The following C3orf33 variants were observed in gnomAD, a reference collection of about 807,000 sequenced individuals.
C3orf33 encodes AP-1 activity suppressor.
A neutral mutation model predicts 28.7 loss-of-function variants in C3orf33; 23 were observed. The observed-to-expected ratio is 0.80, with a 90% CI of 0.58 to 1.13. The LOEUF (loss-of-function observed/expected upper bound fraction) is 1.13, where lower values mean the gene tolerates loss of function less well. Ranked by LOEUF, C3orf33 falls within the 50% of genes most tolerant of loss-of-function variation. C3orf33 has a pLI of 0.00. For synonymous variants in C3orf33, 119 were observed against 120.5 expected (o/e 0.99, Z 0.08); for missense variants, 327 against 353.4 (o/e 0.93, Z 0.60).
chr3:155,797,324 C>A (rs1159129994), intron 2 of C3orf33, among the ~76,000 whole-genome samples: 1 of 152,162 alleles, frequency 6.6e-6, no homozygotes, highest in African/African-American at 2.4e-5. Flanking sequence ...AAAAGCCATA[C>A]ACAACAGACC....
chr3:155,770,962 C>CGGTG (rs1553770157), intron 3 of C3orf33, among the ~76,000 whole-genome samples: 3 of 129,926 alleles, frequency 2.3e-5, no homozygotes, highest in African/African-American at 3.0e-5. Flanking sequence ...GCATGAACCA[C>CGGTG]TGTGTGTGTG....
At chr3:155,796,848 G>A (rs747552599) in intron 2 of C3orf33, among the ~76,000 whole-genome samples, 10 of 152,190 alleles carry the variant, frequency 6.6e-5, no homozygotes, top group Non-Finnish European at 1.5e-5. Flanking sequence ...AGGGATGCAA[G>A]GATGGTTCAA....
In C3orf33 at chr3:155,776,759, C is replaced by CAAAAAAAAAAAAAAAAAAAAAA. The variant is rs10654812; in HGVS notation, c.175-933_175-912dup. 3.6e-4 allele frequency among the ~76,000 whole-genome samples: 31 copies of CAAAAAAAAAAAAAAAAAAAAAA among 86,908 alleles called. 1 individual carries two copies. The highest frequency in any genetic ancestry group is 4.1e-4 in the Non-Finnish European group (17 of 41,496). 57.0% of individuals were successfully genotyped at this position (86,908 alleles called of 152,430 possible). Reference sequence around the variant, plus strand: ...TGACAGAGCGAGAACCTGACTCTGTCAAAAAAAAAAAAAAAAAAAAAAAAA... The same window carrying CAAAAAAAAAAAAAAAAAAAAAA: ...TGACAGAGCGAGAACCTGACTCTGTCAAAAAAAAAAAAAAAAAAAAAAAAAAAAAAAAAAAAAAAAAAAAAAA... On this transcript the variant is annotated intron_variant, in intron 2 of 4. Transcript: ENST00000340171.
intron 4 of C3orf33, among the ~76,000 whole-genome samples, chr3:155,764,699 C>A (rs1056137734): frequency 2.7e-5 from 4 of 150,314 alleles, no homozygotes; most frequent in Non-Finnish European, 5.9e-5. Context: ...AAAAAAAAAA[C>A]ACAAAAATTA....
intron 4 of C3orf33, among the ~76,000 whole-genome samples, chr3:155,764,858 G>A (rs1006739183): frequency 6.6e-6 from 1 of 151,894 alleles, no homozygotes; most frequent in Non-Finnish European, 1.5e-5. Flanking sequence ...TCCATCTCGG[G>A]AAAATAAATA....
intron 3 of C3orf33, among the ~76,000 whole-genome samples, chr3:155,774,101 C>A (rs1750667777): frequency 1.3e-5 from 2 of 152,006 alleles, no homozygotes; most frequent in Non-Finnish European, 2.9e-5. Flanking sequence ...TTAAGAAGGG[C>A]CATAAATAGA....
intron 2 of C3orf33, among the ~76,000 whole-genome samples, chr3:155,796,531 A>T (rs971993825): frequency 6.6e-6 from 1 of 152,110 alleles, no homozygotes; most frequent in African/African-American, 2.4e-5. Context: ...TGTAATAAAA[A>T]CTCTGCCAGC....
At chr3:155,780,022 C>T (rs746496081) in intron 2 of C3orf33, among the ~76,000 whole-genome samples, 6 of 151,818 alleles carry the variant, frequency 4.0e-5, no homozygotes, top group Admixed American at 1.3e-4. Context: ...ATTTGGAAGA[C>T]GAACAAAAAA....
chr3:155,802,547 C>A lies in C3orf33; in HGVS notation c.159G>T (p.Leu53Phe). 6.2e-7 allele frequency: 1 copy of A among 1,603,604 alleles called. No individual in the cohort carries two copies. Among genetic ancestry groups the A allele is most frequent in the South Asian group, 1.1e-5 (1 of 88,772 alleles). ...TTTAACTTACCAGTCGAATGCTTCT[C>A]AAAAGTAACATTATTCCAGCTATGG... ...GMAIAGIMLL[L>F]RSIRLTSKFT... The change falls in exon 2 of 5, where the codon TTG becomes TTT. Residue 53 changes from leucine to phenylalanine, a missense_variant. By Grantham distance (22) the Leu-to-Phe change is conservative. Transcript: ENST00000340171.
In C3orf33 at chr3:155,776,759, C is replaced by CAAAAAAAAAAAAA. The variant is rs10654812; in HGVS notation, c.175-924_175-912dup. On this transcript the variant is annotated intron_variant, in intron 2 of 4. Transcript: ENST00000340171. The stretch of plus-strand genomic sequence containing the variant: ...TGACAGAGCGAGAACCTGACTCTGT[C>CAAAAAAAAAAAAA]AAAAAAAAAAAAAAAAAAAAAAAAA... Among the ~76,000 whole-genome samples, 388 of 86,834 alleles carry CAAAAAAAAAAAAA rather than the reference C, an allele frequency of 4.5e-3. 17 individuals are homozygous for CAAAAAAAAAAAAA. The highest frequency in any genetic ancestry group is 7.3e-3 in the African/African-American group (175 of 23,888). 57.0% of individuals were successfully genotyped at this position (86,834 alleles called of 152,430 possible).
intron 2 of C3orf33, among the ~76,000 whole-genome samples, chr3:155,778,030 G>A (rs1304855415): frequency 2.0e-5 from 3 of 149,702 alleles, no homozygotes; most frequent in Non-Finnish European, 4.4e-5. Flanking sequence ...CGTACTTGTA[G>A]TCCCAGCTAC....
intron 2 of C3orf33, among the ~76,000 whole-genome samples, chr3:155,782,533 A>C (rs749000464): frequency 3.3e-5 from 5 of 152,208 alleles, no homozygotes; most frequent in Non-Finnish European, 4.4e-5. Flanking sequence ...AAGGATCCTT[A>C]ATAAGATTAT....
intron 3 of C3orf33, among the ~76,000 whole-genome samples, chr3:155,769,442 C>T (rs1005068673): frequency 9.6e-5 from 14 of 146,524 alleles, no homozygotes; most frequent in African/African-American, 7.7e-5. Flanking sequence ...GAGCCAAGAT[C>T]GCACCACTGC....
Position 155,775,700 on chromosome 3 carries a change from C to G in C3orf33, c.322+1G>C, listed in dbSNP as rs749733370. The G allele has an allele frequency of 2.6e-6, 4 of 1,516,948 alleles. No individual in the cohort carries two copies. Among genetic ancestry groups the G allele is most frequent in the South Asian group, 1.2e-5 (1 of 81,968 alleles). 94.0% of individuals were successfully genotyped at this position (1,516,948 alleles called of 1,614,324 possible). A position where few individuals can be genotyped will look rare whatever the true frequency, so the allele number is the denominator to read the frequency against. On this transcript the variant is annotated splice_donor_variant, in intron 3 of 4. Transcript: ENST00000340171. LOFTEE classifies it high-confidence loss of function. The stretch of plus-strand genomic sequence containing the variant: ...TTTCATTAATCTTGTACCTTACTTA[C>G]TTCTCAATGAAGCTATAATAGGTAA...
intron 3 of C3orf33, 108 bp downstream of exon 3, chr3:155,775,593 A>G: frequency 1.5e-6 from 1 of 682,786 alleles, no homozygotes; most frequent in Non-Finnish European, 2.2e-6. Flanking sequence ...CTCATGGACA[A>G]TGGAGAGTTA....
intron 4 of C3orf33, among the ~76,000 whole-genome samples, chr3:155,767,047 G>A (rs1750430220): frequency 6.6e-6 from 1 of 152,116 alleles, no homozygotes; most frequent in East Asian, 1.9e-4. Context: ...AAGGTCAAGA[G>A]ATCGAGACCA....
chr3:155,803,875 C>A (rs1751737159), intron 1 of C3orf33, among the ~76,000 whole-genome samples: 2 of 144,858 alleles, frequency 1.4e-5, no homozygotes, highest in South Asian at 4.4e-4. Flanking sequence ...GAGTGAGACT[C>A]TGTCTCAAAG....
intron 2 of C3orf33, among the ~76,000 whole-genome samples, chr3:155,782,089 T>C (rs1750941688): frequency 6.7e-6 from 1 of 150,106 alleles, no homozygotes. Flanking sequence ...TGGACTCATG[T>C]AATCCCAGCT....
intron 2 of C3orf33, among the ~76,000 whole-genome samples, chr3:155,791,813 T>A (rs1436601481): frequency 1.3e-5 from 2 of 151,918 alleles, no homozygotes; most frequent in African/African-American, 4.8e-5. Flanking sequence ...CACAGTAGCA[T>A]ATAGCAGCAC....
Sources: allele counts gnomAD v4.1 joint callset (sites outside exome capture counted in the v4.1 genomes callset), GRCh38; gene constraint gnomAD v4.1.1; transcripts MANE v1.5; gene names NCBI Gene and HGNC (gene_info 2026-07-23, HGNC 2026-07-21).